Variants in SRGAP3 observed in about 807,000 individuals in gnomAD.
The protein encoded by SRGAP3 is SLIT-ROBO Rho GTPase-activating protein 3.
SRGAP3 carries 39 observed loss-of-function variants against 121.1 expected under a neutral mutation model. The ratio of observed to expected loss-of-function variants is 0.32; its 90% confidence interval spans 0.25 to 0.42. The LOEUF (loss-of-function observed/expected upper bound fraction) is 0.42, where lower values mean the gene tolerates loss of function less well. Ranked by LOEUF, SRGAP3 falls within the 10% of genes least tolerant of loss-of-function variation. The pLI is 1.00. For missense variants in SRGAP3, 1,213 were observed against 1,470.6 expected (o/e 0.82, Z 2.86); for synonymous variants, 601 against 570.0 (o/e 1.05, Z -0.77).
At chr3:9,140,120 C>CAT (rs1219083673) in intron 1 of SRGAP3, among the ~76,000 whole-genome samples, 7 of 105,938 alleles carry the variant, frequency 6.6e-5, no homozygotes, top group African/African-American at 2.1e-4. Context: ...GGCTCAGAGG[C>CAT]ATACACACAC....
At chr3:9,361,406 T>A (rs2030814997) in intron 1 of SRGAP3, among the ~76,000 whole-genome samples, 1 of 152,186 alleles carries the variant, frequency 6.6e-6, no homozygotes, top group African/African-American at 2.4e-5. Context: ...TCCCAGCCCC[T>A]TTGCACATTT....
chr3:9,041,580 T>G (rs1945013717), intron 10 of SRGAP3, among the ~76,000 whole-genome samples: 2 of 152,232 alleles, frequency 1.3e-5, no homozygotes, highest in Admixed American at 6.5e-5. Flanking sequence ...CTCCATATCC[T>G]CAGTTTAAAT....
At chr3:9,345,573 A>C (rs140329544) in intron 1 of SRGAP3, among the ~76,000 whole-genome samples, 2,719 of 152,044 alleles carry the variant, frequency 0.018, 53 homozygotes, top group South Asian at 0.031. Flanking sequence ...ACTTGAGGCC[A>C]GGAGTTTAAA....
At chr3:9,144,317 A>G (rs1024778993) in intron 1 of SRGAP3, among the ~76,000 whole-genome samples, 5 of 152,160 alleles carry the variant, frequency 3.3e-5, no homozygotes, top group African/African-American at 9.7e-5. Flanking sequence ...TTTGTGCCCT[A>G]TCTTTCAGTC....
chr3:9,049,509 C>T (rs1258298759), intron 9 of SRGAP3: 1 of 456,088 alleles, frequency 2.2e-6, no homozygotes, highest in South Asian at 1.5e-5. Context: ...TGTGGTCACT[C>T]ACTGGGTACC....
intron 1 of SRGAP3, among the ~76,000 whole-genome samples, chr3:9,142,389 G>A (rs1560253310): frequency 1.3e-5 from 2 of 152,134 alleles, no homozygotes; most frequent in African/African-American, 4.8e-5. Flanking sequence ...TCCCTTTGTA[G>A]ACACATCTCC....
intron 1 of SRGAP3, among the ~76,000 whole-genome samples, chr3:9,243,684 T>G (rs535027999): frequency 1.8e-4 from 28 of 151,416 alleles, no homozygotes; most frequent in African/African-American, 6.1e-4. Context: ...ACTGGTTTTT[T>G]GCGTTTATAA....
chr3:9,087,814 T>C lies in SRGAP3; in HGVS notation c.424-7727A>G, dbSNP rs182842506. On this transcript the variant is annotated intron_variant, in intron 3 of 21. Transcript: ENST00000383836. The stretch of plus-strand genomic sequence containing the variant: ...TCAGGAAGGTGAAGACACCAGTGAA[T>C]GGAGGGTGGGATGAATGGGAGGAGC... 2.5e-3 allele frequency among the ~76,000 whole-genome samples: 373 copies of C among 152,136 alleles called. 4 individuals are homozygous for C. The highest frequency in any genetic ancestry group is 8.6e-3 in the African/African-American group (355 of 41,500).
chr3:9,312,157 ATTG>A (rs978556225), intron 3 of SRGAP3, among the ~76,000 whole-genome samples: 1 of 151,698 alleles, frequency 6.6e-6, no homozygotes, highest in Non-Finnish European at 1.5e-5. Flanking sequence ...TGTTGTTGTT[ATTG>A]TTGTTGTTTT....
chr3:9,205,513 C>T (rs970661685), intron 1 of SRGAP3, among the ~76,000 whole-genome samples: 7 of 152,180 alleles, frequency 4.6e-5, no homozygotes, highest in Non-Finnish European at 1.0e-4. Flanking sequence ...CTGAAGTAAG[C>T]ATTTGCATCA....
At chr3:9,215,033 G>A (rs948699948) in intron 1 of SRGAP3, among the ~76,000 whole-genome samples, 1 of 152,136 alleles carries the variant, frequency 6.6e-6, no homozygotes, top group Non-Finnish European at 1.5e-5. Flanking sequence ...AAGTGGTGGA[G>A]GGGGAAATTT....
chr3:9,049,759 T>G (rs1945471414), intron 9 of SRGAP3, among the ~76,000 whole-genome samples: 1 of 147,234 alleles, frequency 6.8e-6, no homozygotes, highest in African/African-American at 2.5e-5. Context: ...CTTGGGAGAG[T>G]GGTGGTCTGA....
chr3:9,169,931 C>A (rs972596242), intron 1 of SRGAP3, among the ~76,000 whole-genome samples: 6 of 152,166 alleles, frequency 3.9e-5, no homozygotes, highest in African/African-American at 1.4e-4. Context: ...CCTCAGTTTC[C>A]TCTCCTGTAA....
At chr3:9,011,987 T>A (rs2125025617) in intron 17 of SRGAP3, among the ~76,000 whole-genome samples, 1 of 152,316 alleles carries the variant, frequency 6.6e-6, no homozygotes, top group South Asian at 2.1e-4. Context: ...AAAAGAGAAC[T>A]GGTAATGGTT....
intron 1 of SRGAP3, among the ~76,000 whole-genome samples, chr3:9,358,034 C>T (rs1309454174): frequency 6.6e-6 from 1 of 152,088 alleles, no homozygotes; most frequent in Non-Finnish European, 1.5e-5. Context: ...GCCACCACAC[C>T]CAGCTAGTTT....
At chr3:9,203,245 T>C (rs1206749488) in intron 1 of SRGAP3, among the ~76,000 whole-genome samples, 1 of 152,008 alleles carries the variant, frequency 6.6e-6, no homozygotes, top group Non-Finnish European at 1.5e-5. Context: ...ACCAAAACAA[T>C]CACCCCCTCT....
chr3:9,248,264 C>A (rs889818801), intron 1 of SRGAP3, among the ~76,000 whole-genome samples: 1 of 152,204 alleles, frequency 6.6e-6, no homozygotes, highest in Non-Finnish European at 1.5e-5. Flanking sequence ...TTTTCTGCAC[C>A]AAGCTCCCTT....
rs34944051 is a variant in SRGAP3, at chr3:9,243,634, TA to T, written c.67+5250del. ...TGGGTGACAGAGAGAGACTCTGTCT[TA>T]AAAAAAAAAAAAAAGAGAGAGAGAG... On this transcript the variant is annotated intron_variant, in intron 1 of 21. Transcript: ENST00000383836. 6.5e-3 allele frequency among the ~76,000 whole-genome samples: 892 copies of T among 137,036 alleles called. 5 individuals are homozygous for T. The highest frequency in any genetic ancestry group is 0.016 in the African/African-American group (597 of 36,932). The allele number at this position is 137,036 out of a possible 152,430, so 89.9% of individuals were successfully genotyped here.
intron 3 of SRGAP3, among the ~76,000 whole-genome samples, chr3:9,282,722 T>C (rs1954703152): frequency 6.6e-6 from 1 of 152,082 alleles, no homozygotes; most frequent in Non-Finnish European, 1.5e-5. Context: ...CCTCAAGTGA[T>C]TCGCCCACCT....
Sources: allele counts gnomAD v4.1 joint callset (sites outside exome capture counted in the v4.1 genomes callset), GRCh38; gene constraint gnomAD v4.1.1; transcripts MANE v1.5; gene names NCBI Gene and HGNC (gene_info 2026-07-23, HGNC 2026-07-21).